LRP1B: variants seen among roughly 807,000 people sequenced by gnomAD.
LRP1B encodes the protein low-density lipoprotein receptor-related protein 1B.
A neutral mutation model predicts 556.6 loss-of-function variants in LRP1B; 217 were observed. The ratio of observed to expected loss-of-function variants is 0.39; its 90% confidence interval spans 0.35 to 0.44. The LOEUF (loss-of-function observed/expected upper bound fraction) is 0.44, where lower values mean the gene tolerates loss of function less well. LRP1B is among the 20% of genes least tolerant of loss of function. The pLI, the probability that LRP1B is intolerant of heterozygous loss-of-function variation, is 1.00. For synonymous variants in LRP1B, 2,047 were observed against 1,865.8 expected (o/e 1.10, Z -2.50); for missense variants, 5,053 against 5,620.8 (o/e 0.90, Z 3.23).
intron 68 of LRP1B, among the ~76,000 whole-genome samples, chr2:140,375,879 TTTG>T (rs1475053214): frequency 6.6e-6 from 1 of 150,634 alleles, no homozygotes; most frequent in African/African-American, 2.4e-5. Context: ...AAACTTCTTC[TTTG>T]TTGTTTTGTT....
intron 66 of LRP1B, among the ~76,000 whole-genome samples, chr2:140,400,981 C>T: frequency 6.6e-6 from 1 of 152,152 alleles, no homozygotes; most frequent in East Asian, 1.9e-4. Context: ...TTTCCAGTCT[C>T]AGTGTAAACT....
At chr2:141,345,469 T>C (rs1355543514) in intron 3 of LRP1B, among the ~76,000 whole-genome samples, 1 of 151,816 alleles carries the variant, frequency 6.6e-6, no homozygotes, top group African/African-American at 2.4e-5. Context: ...AACCTTTTCT[T>C]CTCCTTCTTC....
At chr2:141,839,644 C>T (rs1305160940) in intron 1 of LRP1B, among the ~76,000 whole-genome samples, 2 of 152,054 alleles carry the variant, frequency 1.3e-5, no homozygotes, top group Admixed American at 1.3e-4. Flanking sequence ...ACTTGAAGTG[C>T]TGAAGGTTGT....
chr2:140,757,655 C>T (rs908570874), intron 35 of LRP1B, among the ~76,000 whole-genome samples: 6 of 152,060 alleles, frequency 3.9e-5, no homozygotes, highest in Admixed American at 2.0e-4. Flanking sequence ...CTGAGGCCGG[C>T]GGATCATTTG....
chr2:141,585,124 C>A (rs896388609), intron 2 of LRP1B, among the ~76,000 whole-genome samples: 3 of 152,152 alleles, frequency 2.0e-5, no homozygotes, highest in Non-Finnish European at 2.9e-5. Context: ...CTCTTTCCCT[C>A]GCACAACCTG....
intron 55 of LRP1B, among the ~76,000 whole-genome samples, chr2:140,497,997 A>T (rs1689023085): frequency 6.6e-6 from 1 of 151,928 alleles, no homozygotes. Flanking sequence ...ATTTTAATAA[A>T]AATATTTTTG....
At chr2:141,569,705 T>C (rs1231621840) in intron 2 of LRP1B, among the ~76,000 whole-genome samples, 28 of 151,144 alleles carry the variant, frequency 1.9e-4, no homozygotes, top group Admixed American at 1.8e-3. Flanking sequence ...TTTTTAAAGT[T>C]GGCTGGCTGG....
chr2:140,752,250 C>G (rs1006747636), intron 35 of LRP1B, among the ~76,000 whole-genome samples: 2 of 150,946 alleles, frequency 1.3e-5, no homozygotes, highest in African/African-American at 4.9e-5. Context: ...AACAAACAAA[C>G]AAAACACTTA....
chr2:141,387,648 T>G (rs982871465), intron 3 of LRP1B, among the ~76,000 whole-genome samples: 1 of 152,078 alleles, frequency 6.6e-6, no homozygotes, highest in African/African-American at 2.4e-5. Context: ...GTATAAGAAG[T>G]AAAGAGATAG....
chr2:140,639,943 T>G (rs1181664234), intron 41 of LRP1B, among the ~76,000 whole-genome samples: 2 of 152,204 alleles, frequency 1.3e-5, no homozygotes, highest in Non-Finnish European at 2.9e-5. Flanking sequence ...CTGGAGCATT[T>G]ATTCCCCAGC....
chr2:140,924,672 G>A (rs116723888), intron 20 of LRP1B, among the ~76,000 whole-genome samples: 1 of 152,044 alleles, frequency 6.6e-6, no homozygotes, highest in Non-Finnish European at 1.5e-5. Context: ...CAATAATAAA[G>A]CATTGAGTTT....
chr2:141,221,290 A>T (rs1240474504), intron 6 of LRP1B, among the ~76,000 whole-genome samples: 1,016 of 9,296 alleles, frequency 0.11, 7 homozygotes, highest in Non-Finnish European at 0.23. Flanking sequence ...AACAAAGATA[A>T]AAAAAAAAAA....
Position 140,318,434 on chromosome 2 carries a change from A to G in LRP1B, c.12641-3335T>C, listed in dbSNP as rs16843767. ...CCAAAAAAAGTTTTAGATCGTGGAT[A>G]AGTGTGCATGTAAATAAGCAAGATT... On this transcript the variant is annotated intron_variant, in intron 82 of 90. Coordinates refer to ENST00000389484, the MANE Select transcript of LRP1B (RefSeq NM_018557.3). Among the ~76,000 whole-genome samples the G allele has an allele frequency of 6.2e-3, 947 of 152,236 alleles. 7 individuals are homozygous for G. Among genetic ancestry groups the G allele is most frequent in the African/African-American group, 0.021 (856 of 41,562 alleles).
intron 3 of LRP1B, among the ~76,000 whole-genome samples, chr2:141,357,778 A>G (rs1282218384): frequency 1.3e-5 from 2 of 152,212 alleles, no homozygotes; most frequent in Non-Finnish European, 2.9e-5. Context: ...ATAAGCACAT[A>G]GACTATGAAT....
chr2:141,691,589 G>A (rs796275076), intron 2 of LRP1B, among the ~76,000 whole-genome samples: 1 of 151,168 alleles, frequency 6.6e-6, no homozygotes, highest in African/African-American at 2.4e-5. Context: ...AGCAAATGCG[G>A]GGGTCAATTA....
intron 20 of LRP1B, among the ~76,000 whole-genome samples, chr2:140,934,208 A>T (rs1014495652): frequency 6.6e-6 from 1 of 152,154 alleles, no homozygotes; most frequent in African/African-American, 2.4e-5. Flanking sequence ...AAAAAAAATC[A>T]GGACAGAAGA....
At chr2:140,351,518 A>G (rs557086132) in intron 76 of LRP1B, among the ~76,000 whole-genome samples, 2 of 152,116 alleles carry the variant, frequency 1.3e-5, no homozygotes, top group African/African-American at 4.8e-5. Flanking sequence ...TTAAATGCTT[A>G]CTAACTTTTA....
At chr2:141,418,520 CT>C (rs1680009830) in intron 3 of LRP1B, among the ~76,000 whole-genome samples, 1 of 150,738 alleles carries the variant, frequency 6.6e-6, no homozygotes, top group Non-Finnish European at 1.5e-5. Flanking sequence ...AGTTTGGGCA[CT>C]CTTGTCAAAG....
intron 1 of LRP1B, among the ~76,000 whole-genome samples, chr2:142,103,935 C>T (rs1334567697): frequency 6.6e-6 from 1 of 152,116 alleles, no homozygotes; most frequent in Non-Finnish European, 1.5e-5. Context: ...TCACAAGTGT[C>T]TGATCAGTAC....
Sources: allele counts gnomAD v4.1 joint callset (sites outside exome capture counted in the v4.1 genomes callset), GRCh38; gene constraint gnomAD v4.1.1; transcripts MANE v1.5; gene names NCBI Gene and HGNC (gene_info 2026-07-23, HGNC 2026-07-21).